The following SLC35F1 variants were observed in gnomAD, a reference collection of about 807,000 sequenced individuals.
SLC35F1 encodes solute carrier family 35 member F1, also known as chromosome 6 open reading frame 169.
A neutral mutation model predicts 48.7 loss-of-function variants in SLC35F1; 14 were observed. The ratio of observed to expected loss-of-function variants is 0.29; its 90% CI spans 0.19 to 0.45. SLC35F1 has a LOEUF of 0.45. SLC35F1 is among the 20% of genes least tolerant of loss of function. The pLI, the probability that SLC35F1 is intolerant of heterozygous loss-of-function variation, is 1.00. For synonymous variants in SLC35F1, 190 were observed against 202.2 expected, an observed-to-expected ratio of 0.94 and a Z score of 0.51; for missense variants, 404 against 500.0, an observed-to-expected ratio of 0.81 and a Z score of 1.83.
chr6:118,048,539 A>C (rs1485977144), intron 1 of SLC35F1, among the ~76,000 whole-genome samples: 1 of 152,218 alleles, frequency 6.6e-6, no homozygotes, highest in Admixed American at 6.5e-5. Context: ...ATCAATGTAC[A>C]AAAATCACAA....
chr6:118,240,240 C>T (rs1209862725), intron 3 of SLC35F1, among the ~76,000 whole-genome samples: 1 of 152,058 alleles, frequency 6.6e-6, no homozygotes, highest in Non-Finnish European at 1.5e-5. Context: ...AGAGCAGACA[C>T]CTAAGTGCTA....
chr6:118,068,659 C>A (rs571163638), intron 1 of SLC35F1, among the ~76,000 whole-genome samples: 1 of 152,218 alleles, frequency 6.6e-6, no homozygotes, highest in Admixed American at 6.5e-5. Flanking sequence ...ATTATCCCCC[C>A]TTAAGATGAT....
At chr6:118,033,921 G>A (rs375056889) in intron 1 of SLC35F1, among the ~76,000 whole-genome samples, 2 of 152,310 alleles carry the variant, frequency 1.3e-5, no homozygotes, top group East Asian at 3.9e-4. Flanking sequence ...TAGTGGTACA[G>A]TGACTGAAAT....
intron 2 of SLC35F1, among the ~76,000 whole-genome samples, chr6:118,200,008 G>A (rs568064957): frequency 1.3e-5 from 2 of 152,200 alleles, no homozygotes; most frequent in South Asian, 4.1e-4. Flanking sequence ...GGGTCAAAGA[G>A]TAGGCAGTTT....
At chr6:118,076,751 T>C (rs918047894) in intron 1 of SLC35F1, among the ~76,000 whole-genome samples, 6 of 152,246 alleles carry the variant, frequency 3.9e-5, no homozygotes, top group Non-Finnish European at 1.5e-5. Flanking sequence ...TCACCATGAA[T>C]TTAAAATACT....
At chr6:118,017,218 C>A (rs138206241) in intron 1 of SLC35F1, among the ~76,000 whole-genome samples, 2 of 152,280 alleles carry the variant, frequency 1.3e-5, no homozygotes, top group East Asian at 3.9e-4. Flanking sequence ...AGGACTAATC[C>A]CTGGGGACTT....
intron 2 of SLC35F1, among the ~76,000 whole-genome samples, chr6:118,180,940 A>G (rs1454007103): frequency 3.3e-5 from 5 of 152,106 alleles, no homozygotes; most frequent in Admixed American, 3.3e-4. Flanking sequence ...TAAGGAGACA[A>G]TCTTACACAA....
At chr6:118,162,605 G>A (rs918680128) in intron 2 of SLC35F1, among the ~76,000 whole-genome samples, 4 of 152,148 alleles carry the variant, frequency 2.6e-5, no homozygotes, top group Non-Finnish European at 5.9e-5. Context: ...TACCATGATG[G>A]AATAAGTTAT....
intron 1 of SLC35F1, among the ~76,000 whole-genome samples, chr6:118,028,715 A>G (rs1162864638): frequency 1.3e-5 from 2 of 152,132 alleles, no homozygotes; most frequent in Non-Finnish European, 2.9e-5. Context: ...GGCATTAAAG[A>G]TAATTCCAAC....
At chr6:117,911,887 C>G (rs1001586747) in intron 1 of SLC35F1, among the ~76,000 whole-genome samples, 1 of 152,202 alleles carries the variant, frequency 6.6e-6, no homozygotes, top group African/African-American at 2.4e-5. Flanking sequence ...TAGACACATA[C>G]AGGAGTAGCT....
chr6:118,295,053 A>G (rs1200718467), intron 7 of SLC35F1, among the ~76,000 whole-genome samples: 2 of 152,066 alleles, frequency 1.3e-5, no homozygotes, highest in African/African-American at 4.8e-5. Context: ...AATCCAGGTG[A>G]CATCCTATGA....
intron 1 of SLC35F1, among the ~76,000 whole-genome samples, chr6:118,119,688 T>C (rs1202662893): frequency 2.0e-5 from 3 of 151,930 alleles, no homozygotes; most frequent in Non-Finnish European, 4.4e-5. Context: ...AGGCACACAT[T>C]TTTTGAGAGA....
chr6:118,297,131 A>G (rs1458957433), intron 7 of SLC35F1, among the ~76,000 whole-genome samples: 1 of 152,186 alleles, frequency 6.6e-6, no homozygotes, highest in Non-Finnish European at 1.5e-5. Flanking sequence ...TCCATGAAAG[A>G]TGATTAACAT....
intron 1 of SLC35F1, among the ~76,000 whole-genome samples, chr6:117,921,984 G>C (rs542173600): frequency 6.6e-6 from 1 of 152,276 alleles, no homozygotes; most frequent in Non-Finnish European, 1.5e-5. Flanking sequence ...AGATTTCTTA[G>C]CCAAATTGTC....
At chr6:118,213,735 T>C (rs747456121) in intron 2 of SLC35F1, among the ~76,000 whole-genome samples, 1 of 152,212 alleles carries the variant, frequency 6.6e-6, no homozygotes, top group Non-Finnish European at 1.5e-5. Context: ...TAGAGTATGA[T>C]ACCAGTATTA....
At chr6:118,239,535 T>C (rs115676382) in intron 3 of SLC35F1, among the ~76,000 whole-genome samples, 2,075 of 152,048 alleles carry the variant, frequency 0.014, 54 homozygotes, top group African/African-American at 0.047. Context: ...TACAACAAAT[T>C]GTTTCTTAAG....
intron 2 of SLC35F1, among the ~76,000 whole-genome samples, chr6:118,193,757 C>T (rs886279189): frequency 6.6e-6 from 1 of 152,124 alleles, no homozygotes; most frequent in African/African-American, 2.4e-5. Context: ...TGACTCTTTC[C>T]AGCATAGCTA....
In SLC35F1 at chr6:118,154,631, A is replaced by G; in HGVS notation, c.349+11A>G. On this transcript the variant is annotated intron_variant, in intron 2 of 7. Transcript: ENST00000360388. ...TAGCCGTCAGACAAGGTAAGCTCAC[A>G]AAAGCACCAGGAATATAACTTTTAC... 1.3e-6 allele frequency: 2 copies of G among 1,599,844 alleles called. No homozygotes were observed. Among genetic ancestry groups the G allele is most frequent in the East Asian group, 2.2e-5 (1 of 44,624 alleles).
chr6:118,211,950 C>T (rs1306894105), intron 2 of SLC35F1, among the ~76,000 whole-genome samples: 1 of 152,176 alleles, frequency 6.6e-6, no homozygotes, highest in African/African-American at 2.4e-5. Context: ...TATATTTATT[C>T]AACCCACTTG....
Sources: allele counts gnomAD v4.1 joint callset (sites outside exome capture counted in the v4.1 genomes callset), GRCh38; gene constraint gnomAD v4.1.1; transcripts MANE v1.5; gene names NCBI Gene and HGNC (gene_info 2026-07-23, HGNC 2026-07-21).